PLK4: variants seen among roughly 807,000 people sequenced by gnomAD.
The protein encoded by PLK4 is serine/threonine-protein kinase PLK4.
In PLK4, 51 loss-of-function variants were observed where a neutral mutation model predicts 103.0. The observed-to-expected ratio is 0.50, with a 90% CI of 0.40 to 0.63. PLK4 has a LOEUF of 0.63. Among genes scored for constraint, PLK4 ranks in the 20% least tolerant of loss-of-function variants. The probability of loss-of-function intolerance (pLI) is 0.00; values close to 1 mark genes in which losing one functional copy is unlikely to be tolerated. For missense variants in PLK4, 1,054 were observed against 1,151.0 expected (o/e 0.92, Z 1.22); for synonymous variants, 389 against 376.8 (o/e 1.03, Z -0.38).
chr4:127,895,547 G>A (rs1407521458), intron 14 of PLK4, among the ~76,000 whole-genome samples: 5 of 122,402 alleles, frequency 4.1e-5, no homozygotes, highest in African/African-American at 9.5e-5. Context: ...TCAGCCTCCC[G>A]AGTAGCTGGG....
intron 15 of PLK4, among the ~76,000 whole-genome samples, chr4:127,897,825 T>TTTTTTTG: frequency 2.0e-5 from 1 of 49,580 alleles, no homozygotes; most frequent in Non-Finnish European, 3.8e-5. Context: ...GAATTAGGGC[T>TTTTTTTG]TTTTTTTTTT....
At chr4:127,881,995 A>C (rs190742240) in intron 2 of PLK4, 69 bp downstream of exon 2, 3 of 854,696 alleles carry the variant, frequency 3.5e-6, no homozygotes, top group Non-Finnish European at 6.0e-6. Flanking sequence ...GAGATGTCAG[A>C]AACTCCTTGT....
At chr4:127,893,075 A>G (rs1026878922) in intron 10 of PLK4, 2 of 381,798 alleles carry the variant, frequency 5.2e-6, no homozygotes, top group African/African-American at 4.2e-5. Flanking sequence ...ATGTAAAAGT[A>G]TCAGGCTTAA....
In PLK4 at chr4:127,889,858, T is replaced by C; in HGVS notation, c.1460-8T>C. 2 of 1,570,874 alleles carry C rather than the reference T, an allele frequency of 1.3e-6. No individual in the cohort carries two copies. The highest frequency in any genetic ancestry group is 1.7e-6 in the Non-Finnish European group (2 of 1,159,806). The stretch of plus-strand genomic sequence containing the variant: ...TTACTAAATTGCTTCATTCTATGTA[T>C]ATTGTAGCTCATTTAAGAAAAACTA... On this transcript the variant is annotated splice_region_variant and splice_polypyrimidine_tract_variant and intron_variant, in intron 6 of 15. Coordinates refer to ENST00000270861, the MANE Select transcript of PLK4 (RefSeq NM_014264.5).
At chr4:127,891,239 G>A (rs748429478) in intron 8 of PLK4, 43 bp downstream of exon 8, 6 of 953,066 alleles carry the variant, frequency 6.3e-6, no homozygotes, top group Non-Finnish European at 8.2e-6. Context: ...TCAAATTATC[G>A]TTTAAGCACG....
At position 127,883,505 on chromosome 4, in the gene PLK4, A is replaced by G. The variant is rs147765170; in HGVS notation, c.289A>G (p.Met97Val). 1.7e-5 allele frequency: 26 copies of G among 1,550,686 alleles called. 1 individual carries two copies. In the Middle Eastern group the frequency reaches 5.1e-4, roughly 30 times the overall value. ...LVLEMCHNGE[M>V]NRYLKNRVKP... is the part of the protein sequence containing the mutation. ...ATTAGAAATGTGCCATAATGGAGAAATGAACAGGTATCTAAAGAATAGAGT... is the reference window on the plus strand; with the variant it reads ...ATTAGAAATGTGCCATAATGGAGAAGTGAACAGGTATCTAAAGAATAGAGT... Residue 97 changes from methionine (M) to valine (V), a missense_variant, in exon 4 of 16, where the codon ATG becomes GTG. By Grantham distance (21) the Met-to-Val change is conservative (BLOSUM62 1). This residue lies in a region of PLK4 where 199 missense variants were observed against 270.1 expected (regional missense o/e 0.74). Coordinates refer to ENST00000270861, the MANE Select transcript of PLK4 (RefSeq NM_014264.5).
intron 1 of PLK4, chr4:127,881,451 CA>C: frequency 7.9e-7 from 1 of 1,265,976 alleles, no homozygotes; most frequent in Non-Finnish European, 1.0e-6. Context: ...CGCGTTAGAG[CA>C]GGGCAGGGCT....
At position 127,886,241 on chromosome 4, in the gene PLK4, T is replaced by C; in HGVS notation, c.871T>C (p.Ser291Pro). 1 of 1,614,094 alleles carries C rather than the reference T, an allele frequency of 6.2e-7. No individual in the cohort carries two copies. The highest frequency in any genetic ancestry group is 8.5e-7 in the Non-Finnish European group (1 of 1,179,930). Residue 291 changes from serine (S) to proline (P), a missense_variant, in exon 5 of 16, where the codon TCT becomes CCT. This residue lies in a region of PLK4 where 680 missense variants were observed against 660.3 expected (regional missense o/e 1.03). Transcript: ENST00000270861. ...DSIDSGHATI[S>P]TAITASSSTS... is the part of the protein sequence containing the mutation. ...AATTGATAGTGGGCATGCCACAATTTCTACTGCAATTACAGCTTCTTCCAG... is the reference window on the plus strand; with the variant it reads ...AATTGATAGTGGGCATGCCACAATTCCTACTGCAATTACAGCTTCTTCCAG...
chr4:127,887,471 G>C lies in PLK4; in HGVS notation c.1434G>C (p.Gln478His). The C allele has an allele frequency of 6.2e-7, 1 of 1,606,308 alleles. No homozygotes were observed. The highest frequency in any genetic ancestry group is 8.5e-7 in the Non-Finnish European group (1 of 1,173,994). Residue 478 changes from glutamine (Q) to histidine (H), a missense_variant, in exon 6 of 16, where the codon CAG (glutamine) becomes CAC (histidine). Physicochemically the swap from Gln to His is conservative, Grantham distance 24 (BLOSUM62 0). Around this residue, in one of 4 missense-constraint regions of PLK4, gnomAD observed 680 missense variants for 660.3 expected, o/e 1.03. Coordinates refer to ENST00000270861, the MANE Select transcript of PLK4 (RefSeq NM_014264.5). ...DPTPQTETVQ[Q>H]WFGNLQINAH... is the part of the protein sequence containing the mutation. ...CACCTCAGACTGAAACCGTACAACA[G>C]TGGTTTGGGAATCTGCAAATAAATG...
chr4:127,898,196 C>T (rs1165468989), intron 15 of PLK4, among the ~76,000 whole-genome samples: 2 of 152,064 alleles, frequency 1.3e-5, no homozygotes, highest in Non-Finnish European at 2.9e-5. Context: ...ATTACGAAGC[C>T]AGTTCAAGTT....
At chr4:127,881,343 A>G (rs1734913709) in intron 1 of PLK4, 179 bp downstream of exon 1, 1 of 1,459,096 alleles carries the variant, frequency 6.9e-7, no homozygotes, top group Non-Finnish European at 9.0e-7. Context: ...CCGCCCCTCA[A>G]GAGACAAGAG....
In PLK4 at chr4:127,897,114, A is replaced by G. The variant is rs544686727; in HGVS notation, c.2810+207A>G. On this transcript the variant is annotated intron_variant, in intron 15 of 15. Transcript: ENST00000270861. ...TGTATTAACTCAGGGCAATTGGTATAAATAATCCACTCTAAGAGGTTGGGT... is the reference window on the plus strand; with the variant it reads ...TGTATTAACTCAGGGCAATTGGTATGAATAATCCACTCTAAGAGGTTGGGT... Among the ~76,000 whole-genome samples, 3 of 152,332 alleles carry G rather than the reference A, an allele frequency of 2.0e-5. No homozygotes were observed. In the East Asian group the frequency reaches 5.8e-4, roughly 29 times the overall value.
In PLK4 at chr4:127,884,063, A is replaced by G. The variant is rs557565014; in HGVS notation, c.337+510A>G. On this transcript the variant is annotated intron_variant, in intron 4 of 15. Coordinates refer to ENST00000270861, the MANE Select transcript of PLK4 (RefSeq NM_014264.5). ...CAAAGTATTTTGAAGCAAATTATAG[A>G]CATATTTTTAACTAGAAATATTTCA... Among the ~76,000 whole-genome samples, 5 of 152,350 alleles carry G rather than the reference A, an allele frequency of 3.3e-5. No individual in the cohort carries two copies. In the South Asian group the frequency reaches 1.0e-3, roughly 32 times the overall value.
chr4:127,891,074 GGT>G lies in PLK4; in HGVS notation c.1831-17_1831-16del. The G allele has an allele frequency of 4.2e-6, 5 of 1,199,646 alleles. No homozygotes were observed. Among genetic ancestry groups the G allele is most frequent in the Non-Finnish European group, 6.0e-6 (5 of 830,952 alleles). 74.3% of individuals were successfully genotyped at this position (1,199,646 alleles called of 1,614,324 possible). On this transcript the variant is annotated splice_polypyrimidine_tract_variant and intron_variant, in intron 7 of 15. Transcript: ENST00000270861. ...AACAAAAGAATTATTACTGATTTTG[GGT>G]TTTTTTTTTTTTTAGGTGAGCATAC...
chr4:127,883,639 T>C, intron 4 of PLK4, 86 bp downstream of exon 4: 2 of 615,020 alleles, frequency 3.3e-6, no homozygotes, highest in South Asian at 4.4e-5. Flanking sequence ...ATATGCTATT[T>C]TATAATATAT....
At chr4:127,890,390 A>G (rs574053736) in intron 7 of PLK4, among the ~76,000 whole-genome samples, 154 bp downstream of exon 7, 23 of 152,278 alleles carry the variant, frequency 1.5e-4, no homozygotes, top group Admixed American at 3.9e-4. Context: ...GTGTTTATGG[A>G]AAAACAGCTC....
chr4:127,881,707 G>T (rs1400039220), intron 1 of PLK4, 124 bp from the exon 2 acceptor site: 8 of 673,208 alleles, frequency 1.2e-5, no homozygotes, highest in Non-Finnish European at 2.1e-5. Flanking sequence ...GCATCGAGGT[G>T]TAATACCCGC....
At chr4:127,897,021 G>C in intron 15 of PLK4, 114 bp downstream of exon 15, 1 of 605,574 alleles carries the variant, frequency 1.7e-6, no homozygotes, top group Non-Finnish European at 3.0e-6. Context: ...CAATGATCGT[G>C]TGATTCTTTA....
chr4:127,894,237 T>G (rs375021059), intron 13 of PLK4, among the ~76,000 whole-genome samples: 6 of 151,006 alleles, frequency 4.0e-5, no homozygotes, highest in African/African-American at 7.3e-5. Flanking sequence ...CATATGTAGT[T>G]TTTTTTTTTG....
Sources: allele counts gnomAD v4.1 joint callset (sites outside exome capture counted in the v4.1 genomes callset), GRCh38; gene constraint gnomAD v4.1.1; regional missense constraint gnomAD v4.1.1; transcripts MANE v1.5; gene names NCBI Gene and HGNC (gene_info 2026-07-23, HGNC 2026-07-21).